Variants in LEMD1 observed in about 807,000 individuals in gnomAD.
LEMD1 encodes the protein LEM domain-containing protein 1.
A neutral mutation model predicts 17.4 loss-of-function variants in LEMD1; 18 were observed. The ratio of observed to expected loss-of-function variants is 1.04; its 90% CI spans 0.72 to 1.54. LEMD1 has a LOEUF of 1.54. LEMD1 is among the 40% of genes most tolerant of loss of function. The pLI, the probability that LEMD1 is intolerant of heterozygous loss-of-function variation, is 0.00. For missense variants in LEMD1, 195 were observed against 210.4 expected, an observed-to-expected ratio of 0.93 and a Z score of 0.45; for synonymous variants, 88 against 77.8, an observed-to-expected ratio of 1.13 and a Z score of -0.69.
intron 4 of LEMD1, among the ~76,000 whole-genome samples, chr1:205,394,867 A>T (rs968976891): frequency 1.3e-5 from 2 of 151,642 alleles, no homozygotes; most frequent in Non-Finnish European, 2.9e-5. Context: ...TGCACCTGTA[A>T]TCCCAACTAC....
intron 1 of LEMD1, among the ~76,000 whole-genome samples, chr1:205,445,063 C>G (rs994954324): frequency 6.6e-6 from 1 of 152,164 alleles, no homozygotes; most frequent in Non-Finnish European, 1.5e-5. Context: ...TTCATCACTG[C>G]GAAGGGAAGC....
chr1:205,405,772 G>A (rs377659231), intron 4 of LEMD1, among the ~76,000 whole-genome samples: 8,976 of 148,734 alleles, frequency 0.06, 385 homozygotes, highest in East Asian at 0.1. Flanking sequence ...GAGGAGGAGA[G>A]GCGCTCTGCT....
chr1:205,413,691 C>T (rs1313552645), intron 4 of LEMD1, among the ~76,000 whole-genome samples: 2 of 138,102 alleles, frequency 1.4e-5, no homozygotes, highest in Non-Finnish European at 3.0e-5. Flanking sequence ...CTCACTCTGT[C>T]ACCCAAGCTG....
At position 205,381,729 on chromosome 1, in the gene LEMD1, C is replaced by G; in HGVS notation, c.475G>C (p.Ala159Pro). The change falls in exon 6 of 6, where the codon GCT (alanine) becomes CCT (proline). Residue 159 changes from alanine (A) to proline (P), a missense_variant. Ala to Pro is a conservative substitution (Grantham distance 27, BLOSUM62 -1). Coordinates refer to ENST00000367153, the MANE Select transcript of LEMD1 (RefSeq NM_001199050.2). ...EEGFPVGLKL[A>P]VLGIFIIVVF... ...ACAATGATGAAAATACCAAGCACAGCAAGCTTCAAGCCCACTGGGAAACCT... is the reference window on the plus strand; with the variant it reads ...ACAATGATGAAAATACCAAGCACAGGAAGCTTCAAGCCCACTGGGAAACCT... 6.2e-7 allele frequency: 1 copy of G among 1,614,216 alleles called. No homozygotes were observed. Among genetic ancestry groups the G allele is most frequent in the Non-Finnish European group, 8.5e-7 (1 of 1,180,032 alleles).
At chr1:205,419,401 T>C (rs1286469879) in intron 2 of LEMD1, 49 bp from the exon 3 acceptor site, 1 of 1,604,830 alleles carries the variant, frequency 6.2e-7, no homozygotes, top group South Asian at 1.1e-5. Context: ...TTTTTGTATA[T>C]GAGCCTACTA....
intron 1 of LEMD1, among the ~76,000 whole-genome samples, chr1:205,427,499 GAGAGAGAGAC>G (rs1666073043): frequency 3.3e-5 from 5 of 151,586 alleles, no homozygotes; most frequent in Non-Finnish European, 1.5e-5. Flanking sequence ...GAGAGAGAGA[GAGAGAGAGAC>G]AGAGAGAGAG....
chr1:205,411,860 T>G (rs1574981960), intron 4 of LEMD1, among the ~76,000 whole-genome samples: 1 of 152,094 alleles, frequency 6.6e-6, no homozygotes, highest in African/African-American at 2.4e-5. Flanking sequence ...CATGTTGTGC[T>G]TGGGAGAGGG....
chr1:205,413,546 C>T (rs928963616), intron 4 of LEMD1, among the ~76,000 whole-genome samples: 3 of 150,176 alleles, frequency 2.0e-5, no homozygotes, highest in South Asian at 2.1e-4. Flanking sequence ...ACCTCAGCCT[C>T]CTGAATAGCT....
At chr1:205,442,323 T>G (rs1575008910) in intron 1 of LEMD1, among the ~76,000 whole-genome samples, 2 of 152,138 alleles carry the variant, frequency 1.3e-5, no homozygotes, top group African/African-American at 4.8e-5. Context: ...CCTCAAGCAA[T>G]AGAGATTGCA....
intron 4 of LEMD1, among the ~76,000 whole-genome samples, chr1:205,407,468 A>T (rs1052467120): frequency 6.6e-6 from 1 of 152,110 alleles, no homozygotes; most frequent in Admixed American, 6.6e-5. Flanking sequence ...GAACCTCCAT[A>T]AAACTCCTAA....
At chr1:205,410,699 T>C (rs969883742) in intron 4 of LEMD1, among the ~76,000 whole-genome samples, 5 of 151,874 alleles carry the variant, frequency 3.3e-5, no homozygotes, top group African/African-American at 4.8e-5. Context: ...AGGGGTGGGG[T>C]GGAGACTGAA....
chr1:205,397,822 AG>A (rs1466094351), intron 4 of LEMD1, among the ~76,000 whole-genome samples: 1 of 152,218 alleles, frequency 6.6e-6, no homozygotes, highest in Non-Finnish European at 1.5e-5. Context: ...TAGATGAAAA[AG>A]AAAAGAAAGC....
At chr1:205,418,081 C>T (rs548450949) in intron 3 of LEMD1, among the ~76,000 whole-genome samples, 81 of 152,190 alleles carry the variant, frequency 5.3e-4, no homozygotes, top group Non-Finnish European at 9.0e-4. Flanking sequence ...CTAACGTATG[C>T]TTATCTTCTG....
Position 205,381,662 on chromosome 1 carries a change from C to T in LEMD1, c.542G>A (p.Gly181Asp). 6.2e-7 allele frequency: 1 copy of T among 1,614,174 alleles called. No homozygotes were observed. Among genetic ancestry groups the T allele is most frequent in the Non-Finnish European group, 8.5e-7 (1 of 1,179,996 alleles). Residue 181 changes from glycine to aspartate, a missense_variant, in exon 6 of 6, where the codon GGT becomes GAT. Transcript: ENST00000367153. ...ATTGCTTTGCTCCTAAATTACTTAACCAAACAGCGACTTATTTTCCACAGT... is the reference window on the plus strand; with the variant it reads ...ATTGCTTTGCTCCTAAATTACTTAATCAAACAGCGACTTATTTTCCACAGT... ...YLTVENKSLFG is the reference protein window; with the variant it reads ...YLTVENKSLFD
At position 205,419,396 on chromosome 1, in the gene LEMD1, G is replaced by A. The variant is rs200872440; in HGVS notation, c.83-44C>T. On this transcript the variant is annotated intron_variant, in intron 2 of 5. Coordinates refer to ENST00000367153, the MANE Select transcript of LEMD1 (RefSeq NM_001199050.2). Reference sequence around the variant, plus strand: ...AACAAATTAAATTGTTCTGTTTTTTGTATATGAGCCTACTAGGTTCAAGGT... The same window carrying A: ...AACAAATTAAATTGTTCTGTTTTTTATATATGAGCCTACTAGGTTCAAGGT... The A allele has an allele frequency of 1.9e-6, 3 of 1,609,026 alleles. No individual in the cohort carries two copies. In the East Asian group the frequency reaches 6.7e-5, roughly 36 times the overall value.
chr1:205,434,677 T>TG (rs548811807), intron 1 of LEMD1, among the ~76,000 whole-genome samples: 221 of 152,262 alleles, frequency 1.5e-3, no homozygotes, highest in African/African-American at 4.9e-3. Flanking sequence ...CCAGGAGACC[T>TG]GGGGTGTCTC....
chr1:205,401,462 TTTTCA>T (rs373996288), intron 4 of LEMD1, among the ~76,000 whole-genome samples: 5 of 77,120 alleles, frequency 6.5e-5, no homozygotes, highest in Non-Finnish European at 8.8e-5. Flanking sequence ...GATGAGCATT[TTTTCA>T]TGTGTCTTTT....
In LEMD1 at chr1:205,416,782, A is replaced by G. The variant is rs73070641; in HGVS notation, c.206-486T>C. Reference sequence around the variant, plus strand: ...AGCCTGCAAAGAAGCATTTTGATAAACCTAGAGGAATGGTGGAGTTGCACA... The same window carrying G: ...AGCCTGCAAAGAAGCATTTTGATAAGCCTAGAGGAATGGTGGAGTTGCACA... On this transcript the variant is annotated intron_variant, in intron 3 of 5. Coordinates refer to ENST00000367153, the MANE Select transcript of LEMD1 (RefSeq NM_001199050.2). Among the ~76,000 whole-genome samples the G allele has an allele frequency of 9.4e-3, 1,439 of 152,292 alleles. 20 individuals are homozygous for G. The highest frequency in any genetic ancestry group is 0.032 in the African/African-American group (1,343 of 41,564).
chr1:205,391,438 T>TG (rs1558710332), intron 4 of LEMD1, among the ~76,000 whole-genome samples: 1 of 151,058 alleles, frequency 6.6e-6, no homozygotes, highest in Non-Finnish European at 1.5e-5. Flanking sequence ...GGGATGCAGG[T>TG]GAAAAAAAGC....
Sources: gnomAD v4.1 joint callset for allele counts (sites outside exome capture counted in the v4.1 genomes callset) on GRCh38, gnomAD v4.1.1 for gene constraint, MANE v1.5 for transcripts, NCBI Gene and HGNC (gene_info 2026-07-23, HGNC 2026-07-21) for gene names.